Variants in CSMD1 observed in about 807,000 individuals in gnomAD.
The protein encoded by CSMD1 is CUB and sushi domain-containing protein 1.
A neutral mutation model predicts 417.5 loss-of-function variants in CSMD1; 213 were observed. That is an observed-to-expected ratio of 0.51 (90% confidence interval 0.46 to 0.57). The LOEUF is 0.57. Ranked by LOEUF, CSMD1 falls within the 20% of genes least tolerant of loss-of-function variation. CSMD1 has a pLI of 0.00. For missense variants in CSMD1, 6,923 were observed against 4,529.7 expected, an observed-to-expected ratio of 1.53 and a Z score of -15.17; for synonymous variants, 2,862 against 1,736.8, an observed-to-expected ratio of 1.65 and a Z score of -16.11.
intron 3 of CSMD1, among the ~76,000 whole-genome samples, chr8:4,076,552 T>C (rs146168311): frequency 6.6e-6 from 1 of 152,288 alleles, no homozygotes; most frequent in African/African-American, 2.4e-5. Context: ...AAAACACAAA[T>C]AGCTAAAAGA....
chr8:4,038,925 G>T (rs777067777), intron 3 of CSMD1, among the ~76,000 whole-genome samples: 1 of 152,096 alleles, frequency 6.6e-6, no homozygotes, highest in African/African-American at 2.4e-5. Flanking sequence ...ACTTAATTTG[G>T]CAAGTACATA....
intron 54 of CSMD1, among the ~76,000 whole-genome samples, chr8:2,979,322 A>C (rs530579409): frequency 4.8e-4 from 73 of 152,352 alleles, no homozygotes; most frequent in African/African-American, 1.6e-3. Flanking sequence ...ACAGAAATGC[A>C]AATCAAGCCA....
intron 5 of CSMD1, among the ~76,000 whole-genome samples, chr8:3,987,806 T>C (rs1312482629): frequency 6.6e-6 from 1 of 152,206 alleles, no homozygotes; most frequent in African/African-American, 2.4e-5. Flanking sequence ...AGCATAGCCT[T>C]ATCCAAACCC....
Position 3,453,976 on chromosome 8 carries a change from C to G in CSMD1, c.1561+14736G>C, listed in dbSNP as rs573069668. On this transcript the variant is annotated intron_variant, in intron 12 of 69. Coordinates refer to ENST00000635120, the MANE Select transcript of CSMD1 (RefSeq NM_033225.6). ...CTCTTTGTAGGTCTCTAAGGACTTG[C>G]TTTATGAATCTGGGTGCTCCTGTAT... Among the ~76,000 whole-genome samples, 8 of 152,206 alleles carry G rather than the reference C, an allele frequency of 5.3e-5. No individual in the cohort carries two copies. The East Asian group carries it at 1.5e-3, about 29-fold the overall frequency.
chr8:3,066,722 T>C (rs17079245), intron 49 of CSMD1, among the ~76,000 whole-genome samples: 8,166 of 152,146 alleles, frequency 0.054, 735 homozygotes, highest in African/African-American at 0.19. Context: ...ATAAGGGAGA[T>C]TACCAATTCT....
At chr8:3,031,697 C>A (rs915440788) in intron 50 of CSMD1, among the ~76,000 whole-genome samples, 1 of 151,894 alleles carries the variant, frequency 6.6e-6, no homozygotes, top group Admixed American at 6.6e-5. Flanking sequence ...TGCACCCAGC[C>A]AAAAATTCCA....
chr8:3,695,668 G>T (rs1563281949), intron 7 of CSMD1, among the ~76,000 whole-genome samples: 1 of 152,088 alleles, frequency 6.6e-6, no homozygotes, highest in Non-Finnish European at 1.5e-5. Flanking sequence ...TAAAAATAAT[G>T]ATTAGAAAGA....
chr8:4,572,235 G>C (rs1035794162), intron 2 of CSMD1, among the ~76,000 whole-genome samples: 4 of 152,160 alleles, frequency 2.6e-5, no homozygotes, highest in African/African-American at 9.7e-5. Flanking sequence ...ATTTTGGTAT[G>C]TTTGAGCAGT....
At chr8:4,586,092 G>C (rs1487872316) in intron 2 of CSMD1, among the ~76,000 whole-genome samples, 1 of 152,142 alleles carries the variant, frequency 6.6e-6, no homozygotes, top group Non-Finnish European at 1.5e-5. Context: ...AGCATACAAC[G>C]TGTAATGATG....
chr8:2,942,883 C>A (rs570361384), intron 68 of CSMD1, among the ~76,000 whole-genome samples: 3 of 152,094 alleles, frequency 2.0e-5, no homozygotes, highest in Non-Finnish European at 4.4e-5. Context: ...TCCTGACTTT[C>A]GTTTATAGTT....
chr8:3,944,762 C>T (rs370998337), intron 5 of CSMD1, among the ~76,000 whole-genome samples: 1 of 152,012 alleles, frequency 6.6e-6, no homozygotes, highest in Admixed American at 6.6e-5. Context: ...ATACTCTCAA[C>T]TCTTTTCTTA....
intron 1 of CSMD1, among the ~76,000 whole-genome samples, chr8:4,761,198 G>T (rs1261268378): frequency 1.3e-5 from 2 of 152,126 alleles, no homozygotes; most frequent in East Asian, 1.9e-4. Context: ...CTGAAGGTTG[G>T]TGTCTACCAG....
chr8:3,957,792 G>C (rs181145591), intron 5 of CSMD1, among the ~76,000 whole-genome samples: 15 of 152,208 alleles, frequency 9.9e-5, no homozygotes, highest in Middle Eastern at 3.4e-3. Flanking sequence ...GAAGAATAAT[G>C]TTGTTAGTTT....
In CSMD1 at chr8:4,246,835, T is replaced by C. The variant is rs117868169; in HGVS notation, c.415+173118A>G. On this transcript the variant is annotated intron_variant, in intron 3 of 69. Coordinates refer to ENST00000635120, the MANE Select transcript of CSMD1 (RefSeq NM_033225.6). The stretch of plus-strand genomic sequence containing the variant: ...CATTTGACTTGTAAATAAATGTTCA[T>C]AGAATTTAGAGCTGAACACTCAAAT... Among the ~76,000 whole-genome samples the C allele has an allele frequency of 3.7e-4, 56 of 152,332 alleles. No individual in the cohort carries two copies. In the East Asian group the frequency reaches 6.6e-3, roughly 18 times the overall value.
At chr8:2,977,079 A>T (rs2128936528) in intron 55 of CSMD1, among the ~76,000 whole-genome samples, 1 of 152,126 alleles carries the variant, frequency 6.6e-6, no homozygotes, top group South Asian at 2.1e-4. Flanking sequence ...AAAGAAAAAA[A>T]GATTTAATAA....
At chr8:4,880,432 TATG>T (rs767843302) in intron 1 of CSMD1, among the ~76,000 whole-genome samples, 1 of 152,222 alleles carries the variant, frequency 6.6e-6, no homozygotes, top group East Asian at 1.9e-4. Flanking sequence ...CTTACAGATG[TATG>T]ATGACTCGGT....
intron 23 of CSMD1, among the ~76,000 whole-genome samples, chr8:3,314,798 A>G (rs1033486784): frequency 6.6e-6 from 1 of 152,194 alleles, no homozygotes; most frequent in African/African-American, 2.4e-5. Context: ...TTTAGCTTTC[A>G]AGTATTCGGA....
chr8:4,255,660 C>T (rs114484111), intron 3 of CSMD1, among the ~76,000 whole-genome samples: 5 of 152,130 alleles, frequency 3.3e-5, no homozygotes, highest in Non-Finnish European at 7.4e-5. Context: ...TTGGACTTTG[C>T]TAATATGTAT....
At chr8:3,708,636 C>G in intron 6 of CSMD1, 145 bp from the exon 7 acceptor site, 1 of 655,124 alleles carries the variant, frequency 1.5e-6, no homozygotes, top group East Asian at 2.7e-5. Flanking sequence ...GATACCAAGT[C>G]AATGAAGTCA....
Sources: gnomAD v4.1 joint callset for allele counts (sites outside exome capture counted in the v4.1 genomes callset) on GRCh38, gnomAD v4.1.1 for gene constraint, MANE v1.5 for transcripts, NCBI Gene and HGNC (gene_info 2026-07-23, HGNC 2026-07-21) for gene names.